The following SLMAP variants were observed in gnomAD, a reference collection of about 807,000 sequenced individuals.
The protein encoded by SLMAP is sarcolemma associated protein.
Under a neutral mutation model 128.8 loss-of-function variants are expected in SLMAP, and 44 were observed. The ratio of observed to expected loss-of-function variants is 0.34; its 90% CI spans 0.27 to 0.44. The LOEUF (loss-of-function observed/expected upper bound fraction) is 0.44. SLMAP is among the 20% of genes least tolerant of loss of function. The pLI is 1.00. For synonymous variants in SLMAP, 327 were observed against 348.8 expected, an observed-to-expected ratio of 0.94 and a Z score of 0.70; for missense variants, 787 against 985.3, an observed-to-expected ratio of 0.80 and a Z score of 2.69.
At chr3:57,815,161 CTCACATGCATCGT>C (rs1354985118) in intron 2 of SLMAP, among the ~76,000 whole-genome samples, 1 of 152,186 alleles carries the variant, frequency 6.6e-6, no homozygotes, top group Admixed American at 6.5e-5. Flanking sequence ...ACCTAGATCC[CTCACATGCATCGT>C]TCACAATAGG....
intron 24 of SLMAP, 136 bp from the exon 25 acceptor site, chr3:57,927,160 C>A: frequency 4.5e-6 from 2 of 445,754 alleles, no homozygotes; most frequent in Non-Finnish European, 7.9e-6. Context: ...TCTTTTCAAA[C>A]TTTATATTTA....
intron 9 of SLMAP, among the ~76,000 whole-genome samples, chr3:57,861,706 C>T (rs938877206): frequency 6.6e-6 from 1 of 152,136 alleles, no homozygotes; most frequent in African/African-American, 2.4e-5. Context: ...CATCCTTTTC[C>T]TGCCCCTGCT....
intron 14 of SLMAP, among the ~76,000 whole-genome samples, chr3:57,874,209 C>G (rs971836243): frequency 3.9e-5 from 6 of 152,060 alleles, no homozygotes; most frequent in African/African-American, 1.4e-4. Flanking sequence ...GGAGGACCCC[C>G]TGAGCCCAGG....
chr3:57,874,479 C>T (rs1009743470), intron 14 of SLMAP, among the ~76,000 whole-genome samples: 11 of 151,556 alleles, frequency 7.3e-5, no homozygotes, highest in East Asian at 5.8e-4. Flanking sequence ...AACTTTTTGC[C>T]GGTAGTCCCA....
intron 2 of SLMAP, among the ~76,000 whole-genome samples, chr3:57,821,267 C>T (rs1560111080): frequency 6.6e-6 from 1 of 152,014 alleles, no homozygotes; most frequent in African/African-American, 2.4e-5. Flanking sequence ...GAGCTGGCCC[C>T]AAAAGAAAGA....
At chr3:57,854,842 T>C (rs2153587814) in intron 6 of SLMAP, among the ~76,000 whole-genome samples, 2 of 152,326 alleles carry the variant, frequency 1.3e-5, no homozygotes, top group South Asian at 4.1e-4. Context: ...TATACTATCA[T>C]GTATCGCTTA....
At chr3:57,783,532 A>T (rs2083468621) in intron 2 of SLMAP, among the ~76,000 whole-genome samples, 1 of 152,210 alleles carries the variant, frequency 6.6e-6, no homozygotes, top group East Asian at 1.9e-4. Flanking sequence ...TGCATACATT[A>T]AGATGCGAGA....
chr3:57,890,337 G>GT (rs2096028368), intron 15 of SLMAP: 1 of 400,030 alleles, frequency 2.5e-6, no homozygotes, highest in Non-Finnish European at 4.5e-6. Flanking sequence ...TTGAATGTTA[G>GT]TACTTGATAT....
intron 5 of SLMAP, among the ~76,000 whole-genome samples, chr3:57,849,168 C>T (rs997448430): frequency 1.3e-4 from 20 of 152,162 alleles, no homozygotes; most frequent in Admixed American, 7.9e-4. Flanking sequence ...GGATTACAGG[C>T]ATGAGCCACT....
chr3:57,785,592 T>G (rs1325912375), intron 2 of SLMAP, among the ~76,000 whole-genome samples: 1 of 152,204 alleles, frequency 6.6e-6, no homozygotes, highest in African/African-American at 2.4e-5. Flanking sequence ...CTATAGAAAC[T>G]AAATAGCAAC....
intron 4 of SLMAP, among the ~76,000 whole-genome samples, chr3:57,846,967 G>C (rs2094287263): frequency 6.6e-6 from 1 of 152,074 alleles, no homozygotes; most frequent in South Asian, 2.1e-4. Flanking sequence ...AATACATTTT[G>C]GATTTGGAAT....
At chr3:57,788,956 G>A (rs1464860143) in intron 2 of SLMAP, among the ~76,000 whole-genome samples, 1 of 152,148 alleles carries the variant, frequency 6.6e-6, no homozygotes, top group Non-Finnish European at 1.5e-5. Context: ...GGTAGTGTTT[G>A]TATACTTCAG....
chr3:57,879,925 G>A (rs1159979187), intron 14 of SLMAP, among the ~76,000 whole-genome samples: 5 of 151,184 alleles, frequency 3.3e-5, no homozygotes, highest in Non-Finnish European at 5.9e-5. Context: ...ACTCCAGCCA[G>A]GGAGACAGTG....
intron 2 of SLMAP, among the ~76,000 whole-genome samples, chr3:57,824,822 G>C (rs779755709): frequency 6.6e-6 from 1 of 152,024 alleles, no homozygotes; most frequent in African/African-American, 2.4e-5. Context: ...GGATTGTGCC[G>C]GATCTGTGGA....
intron 14 of SLMAP, among the ~76,000 whole-genome samples, chr3:57,881,469 A>T (rs2095741309): frequency 6.6e-6 from 1 of 151,900 alleles, no homozygotes; most frequent in Admixed American, 6.6e-5. Context: ...ATTTATTATT[A>T]TTTTTTGAGA....
chr3:57,910,625 C>T (rs773708620), intron 19 of SLMAP, among the ~76,000 whole-genome samples: 3 of 152,170 alleles, frequency 2.0e-5, no homozygotes, highest in Non-Finnish European at 4.4e-5. Context: ...CAGAAAGACC[C>T]CTGCCTGTCG....
At chr3:57,847,167 T>A (rs1257630092) in intron 4 of SLMAP, 30 bp from the exon 5 acceptor site, 1 of 1,500,126 alleles carries the variant, frequency 6.7e-7, no homozygotes, top group Admixed American at 1.7e-5. Context: ...GTCCGGATAT[T>A]AGATAAAACT....
In SLMAP at chr3:57,757,176, A is replaced by C; in HGVS notation, c.-476A>C. On this transcript the variant is annotated 5_prime_UTR_variant, in exon 2 of 25. Transcript: ENST00000671191. ...CCAGCCACACCTTCCTTCGGCCCAA[A>C]AGGACTTTCCTGGCCGCGCCGAACC... is the stretch of plus-strand genomic sequence containing the variant. 5.0e-6 allele frequency: 1 copy of C among 201,104 alleles called. No homozygotes were observed. The highest frequency in any genetic ancestry group is 1.0e-5 in the Non-Finnish European group (1 of 96,694). The allele number at this position is 201,104 out of a possible 1,614,324, so 12.5% of individuals were successfully genotyped here.
At chr3:57,909,188 T>G in intron 19 of SLMAP, 38 bp downstream of exon 19, 1 of 1,458,200 alleles carries the variant, frequency 6.9e-7, no homozygotes, top group Non-Finnish European at 9.5e-7. Context: ...ATTGTTATTG[T>G]GTGTTTGTTT....
Sources: allele counts gnomAD v4.1 joint callset (sites outside exome capture counted in the v4.1 genomes callset), GRCh38; gene constraint gnomAD v4.1.1; transcripts MANE v1.5; gene names NCBI Gene and HGNC (gene_info 2026-07-23, HGNC 2026-07-21).